The following RFX6 variants were observed in gnomAD, a reference collection of about 807,000 sequenced individuals.
RFX6 encodes the protein regulatory factor X6, also known as DNA-binding protein RFX6.
RFX6 carries 50 observed loss-of-function variants against 110.8 expected under a neutral mutation model. The observed-to-expected ratio is 0.45, with a 90% CI of 0.36 to 0.57. The LOEUF (loss-of-function observed/expected upper bound fraction) is 0.57, where lower values mean the gene tolerates loss of function less well. RFX6 is among the 20% of genes least tolerant of loss of function. RFX6 has a pLI of 0.00. For synonymous variants in RFX6, 383 were observed against 411.2 expected (o/e 0.93, Z 0.83); for missense variants, 990 against 1,127.0 (o/e 0.88, Z 1.74).
chr6:116,904,215 C>A (rs1562139935), intron 6 of RFX6, among the ~76,000 whole-genome samples: 1 of 151,870 alleles, frequency 6.6e-6, no homozygotes, highest in Admixed American at 6.6e-5. Context: ...CAGATCATAT[C>A]GTTTTTTATT....
At chr6:116,905,197 C>T (rs553150597) in intron 6 of RFX6, among the ~76,000 whole-genome samples, 8 of 152,054 alleles carry the variant, frequency 5.3e-5, no homozygotes, top group South Asian at 4.2e-4. Context: ...TTTTTGCTGG[C>T]GTGTGTTTGT....
At position 116,922,037 on chromosome 6, in the gene RFX6, G is replaced by C. The variant is rs1453384006; in HGVS notation, c.1328-5G>C. On this transcript the variant is annotated splice_region_variant and splice_polypyrimidine_tract_variant and intron_variant, in intron 12 of 18. Coordinates refer to ENST00000332958, the MANE Select transcript of RFX6 (RefSeq NM_173560.4). The stretch of plus-strand genomic sequence containing the variant: ...TTCTTTCTTTTTTTTTTTTTTCCTG[G>C]GTAGATGACTCTATCACTGTGTTCC... 3 of 1,237,042 alleles carry C rather than the reference G, an allele frequency of 2.4e-6. No homozygotes were observed. The highest frequency in any genetic ancestry group is 3.5e-5 in the Admixed American group (2 of 57,392). 76.6% of individuals were successfully genotyped at this position (1,237,042 alleles called of 1,614,324 possible). A position where few individuals can be genotyped will look rare whatever the true frequency, so the allele number is the denominator to read the frequency against.
chr6:116,930,792 G>C lies in RFX6; in HGVS notation c.2612-539G>C, dbSNP rs141174152. ...AGCATGTTGAATGAAGGAGAGAGTA[G>C]AGCAAAATAAATAAAAAATCAGGGG... On this transcript the variant is annotated intron_variant, in intron 18 of 18. Coordinates refer to ENST00000332958, the MANE Select transcript of RFX6 (RefSeq NM_173560.4). 1.1e-4 allele frequency among the ~76,000 whole-genome samples: 17 copies of C among 152,198 alleles called. No individual in the cohort carries two copies. In the East Asian group the frequency reaches 2.9e-3, roughly 26 times the overall value.
At chr6:116,879,956 G>A (rs1343304128) in intron 2 of RFX6, among the ~76,000 whole-genome samples, 1 of 151,956 alleles carries the variant, frequency 6.6e-6, no homozygotes, top group African/African-American at 2.4e-5. Context: ...TGTATAGGAT[G>A]TTTTAGATAA....
chr6:116,918,212 T>C, intron 10 of RFX6, 126 bp downstream of exon 10: 1 of 758,944 alleles, frequency 1.3e-6, no homozygotes, highest in South Asian at 1.5e-5. Flanking sequence ...CTTTTGTCCC[T>C]TTGTATTTGC....
rs762410099 is a variant in RFX6 at position 116,877,408 on chromosome 6, G to A, written c.133G>A (p.Val45Met). The change falls in exon 1 of 19, where the codon GTG becomes ATG. Residue 45 changes from valine (V) to methionine (M), a missense_variant. Val to Met is a conservative substitution (Grantham distance 21). Around this residue, in one of 5 missense-constraint regions of RFX6, gnomAD observed 175 missense variants for 162.3 expected, o/e 1.08. Transcript: ENST00000332958. ...KGLLVYPEET[V>M]YLAAEGQPGG... ...CTTGCTAGTCTATCCGGAAGAAACA[G>A]TGTACCTGGCGGCCGAAGGGCAGCC... is the stretch of plus-strand genomic sequence containing the variant. The A allele has an allele frequency of 2.4e-5, 39 of 1,605,404 alleles. No individual in the cohort carries two copies. Among genetic ancestry groups the A allele is most frequent in the Non-Finnish European group, 3.2e-5 (38 of 1,176,078 alleles).
intron 3 of RFX6, among the ~76,000 whole-genome samples, chr6:116,882,099 A>G (rs377337101): frequency 6.6e-6 from 1 of 152,156 alleles, no homozygotes; most frequent in African/African-American, 2.4e-5. Context: ...TTGCTTTGGT[A>G]GTACCATCAA....
rs552216371 is a variant in RFX6 at position 116,920,977 on chromosome 6, A to G, written c.1327+523A>G. Among the ~76,000 whole-genome samples, 5 of 152,294 alleles carry G rather than the reference A, an allele frequency of 3.3e-5. No homozygotes were observed. The South Asian group carries it at 1.0e-3, about 32-fold the overall frequency. On this transcript the variant is annotated intron_variant, in intron 12 of 18. Coordinates refer to ENST00000332958, the MANE Select transcript of RFX6 (RefSeq NM_173560.4). ...AATATCAAAATGGTATCTCAGCACA[A>G]TACTGCTTTTCAAAGCAGACTCTCT...
intron 5 of RFX6, among the ~76,000 whole-genome samples, chr6:116,894,823 A>G (rs1774907906): frequency 6.6e-6 from 1 of 152,140 alleles, no homozygotes; most frequent in Non-Finnish European, 1.5e-5. Context: ...TCACTGAGTC[A>G]TACTAAGATA....
intron 7 of RFX6, among the ~76,000 whole-genome samples, chr6:116,914,000 A>G (rs1175891276): frequency 1.3e-5 from 2 of 152,202 alleles, no homozygotes; most frequent in African/African-American, 4.8e-5. Context: ...TAATCACCCT[A>G]CAGATCTATC....
At chr6:116,903,232 C>T (rs1252288244) in intron 6 of RFX6, among the ~76,000 whole-genome samples, 1 of 151,992 alleles carries the variant, frequency 6.6e-6, no homozygotes, top group Non-Finnish European at 1.5e-5. Context: ...TTGTTAACAT[C>T]CAAAACAAAA....
intron 6 of RFX6, among the ~76,000 whole-genome samples, chr6:116,896,497 A>C (rs899757275): frequency 3.9e-5 from 6 of 152,356 alleles, no homozygotes; most frequent in African/African-American, 1.4e-4. Context: ...AAATATTTTC[A>C]TAACACAATT....
At position 116,931,457 on chromosome 6, in the gene RFX6, T is replaced by TA; in HGVS notation, c.2739dup (p.Pro914ThrfsTer25). ...AGCAGTAGAGAAATGGTGTCCTCTT[T>TA]ACCACCTATCAACACTGTGTTCATG... On this transcript the variant is annotated frameshift_variant, in exon 19 of 19. Transcript: ENST00000332958. The TA allele has an allele frequency of 6.2e-7, 1 of 1,613,636 alleles. No homozygotes were observed. The highest frequency in any genetic ancestry group is 8.5e-7 in the Non-Finnish European group (1 of 1,179,570).
At chr6:116,883,502 C>T (rs748955743) in intron 4 of RFX6, among the ~76,000 whole-genome samples, 35 of 152,018 alleles carry the variant, frequency 2.3e-4, no homozygotes, top group South Asian at 6.2e-4. Context: ...AAGGAACAAG[C>T]GAAATTAATT....
At chr6:116,892,714 T>C (rs1368617453) in intron 4 of RFX6, among the ~76,000 whole-genome samples, 4 of 152,198 alleles carry the variant, frequency 2.6e-5, no homozygotes, top group Admixed American at 2.6e-4. Context: ...TACTAGACCA[T>C]TATGGAGGTA....
Position 116,922,074 on chromosome 6 carries a change from G to T in RFX6, c.1360G>T (p.Asp454Tyr), listed in dbSNP as rs752679591. The T allele has an allele frequency of 1.3e-6, 2 of 1,542,458 alleles. No individual in the cohort carries two copies. The highest frequency in any genetic ancestry group is 1.7e-5 in the Admixed American group (1 of 59,682). ...DSITVFQELK[D>Y]LLKKNATVEA... ...TATCACTGTGTTCCAAGAACTGAAGGATCTCCTTAAGAAGAATGCCACTGT... is the reference window on the plus strand; with the variant it reads ...TATCACTGTGTTCCAAGAACTGAAGTATCTCCTTAAGAAGAATGCCACTGT... The change falls in exon 13 of 19, where the codon GAT becomes TAT. Residue 454 changes from aspartate to tyrosine, a missense_variant. Coordinates refer to ENST00000332958, the MANE Select transcript of RFX6 (RefSeq NM_173560.4).
chr6:116,927,573 T>G, intron 17 of RFX6, 34 bp downstream of exon 17: 6 of 1,591,708 alleles, frequency 3.8e-6, no homozygotes, highest in Non-Finnish European at 4.3e-6. Context: ...TCTTGGTTTT[T>G]GAGATGGCAA....
At chr6:116,909,241 A>G (rs1244125471) in intron 6 of RFX6, among the ~76,000 whole-genome samples, 1 of 152,070 alleles carries the variant, frequency 6.6e-6, no homozygotes, top group African/African-American at 2.4e-5. Flanking sequence ...CTTTTCCTAT[A>G]TCACCAAATC....
intron 7 of RFX6, among the ~76,000 whole-genome samples, chr6:116,911,475 C>T (rs1775349933): frequency 6.6e-6 from 1 of 152,132 alleles, no homozygotes; most frequent in Non-Finnish European, 1.5e-5. Context: ...AAGAACTATG[C>T]TAGATGAGCA....
Sources: gnomAD v4.1 joint callset for allele counts (sites outside exome capture counted in the v4.1 genomes callset) on GRCh38, gnomAD v4.1.1 for gene constraint, gnomAD v4.1.1 regional missense constraint, MANE v1.5 for transcripts, NCBI Gene and HGNC (gene_info 2026-07-23, HGNC 2026-07-21) for gene names.